Variants in IFITM2 observed in about 807,000 individuals in gnomAD.
IFITM2 encodes the protein interferon-induced transmembrane protein 2.
Under a neutral mutation model 5.9 loss-of-function variants are expected in IFITM2, and 3 were observed. The observed-to-expected ratio is 0.51, with a 90% confidence interval of 0.23 to 1.32. The LOEUF (loss-of-function observed/expected upper bound fraction) is 1.32, where lower values mean the gene tolerates loss of function less well. IFITM2 is among the 40% of genes most tolerant of loss of function. IFITM2 has a pLI of 0.18. For missense variants in IFITM2, 159 were observed against 175.9 expected (o/e 0.90, Z 0.54); for synonymous variants, 76 against 72.4 (o/e 1.05, Z -0.25).
Position 308,415 on chromosome 11 carries a change from A to G in IFITM2, c.223A>G (p.Ile75Val). 3 of 1,613,712 alleles carry G rather than the reference A, an allele frequency of 1.9e-6. No homozygotes were observed. The highest frequency in any genetic ancestry group is 1.3e-5 in the African/African-American group (1 of 75,006). ...LFMNTCCLGF[I>V]AFAYSVKSRD... The stretch of plus-strand genomic sequence containing the variant: ...CATGAACACCTGCTGCCTGGGCTTC[A>G]TAGCATTCGCGTACTCCGTGAAGGT... Residue 75 changes from isoleucine (I) to valine (V), a missense_variant, in exon 1 of 2, where the codon ATA (isoleucine) becomes GTA (valine). By Grantham distance (29) the Ile-to-Val change is conservative (BLOSUM62 3). Coordinates refer to ENST00000616316, the MANE Select transcript of IFITM2 (RefSeq NM_006435.3).
chr11:309,129 C>G lies in IFITM2; in HGVS notation c.363C>G (p.Ile121Met), dbSNP rs745914081. ...GCATCTTCATGACCATTCTGCTCAT[C>G]ATCATCCCAGTGTTGGTCGTCCAGG... ...ILGIFMTILL[I>M]IIPVLVVQAQ... is the part of the protein sequence containing the mutation. The change falls in exon 2 of 2, where the codon ATC (isoleucine) becomes ATG (methionine). Residue 121 changes from isoleucine to methionine, a missense_variant. By Grantham distance (10) the Ile-to-Met change is conservative. Coordinates refer to ENST00000616316, the MANE Select transcript of IFITM2 (RefSeq NM_006435.3). 2.5e-6 allele frequency: 4 copies of G among 1,614,106 alleles called. No homozygotes were observed. The highest frequency in any genetic ancestry group is 2.2e-5 in the South Asian group (2 of 91,090).
Position 308,158 on chromosome 11 carries a change from G to A in IFITM2, c.-35G>A, listed in dbSNP as rs1845986519. 5.6e-6 allele frequency: 9 copies of A among 1,606,166 alleles called. No individual in the cohort carries two copies. The highest frequency in any genetic ancestry group is 7.7e-6 in the Non-Finnish European group (9 of 1,173,766). ...ACTGGGGAAAGGGAGGGCTCACTGA[G>A]AACCATCCCGGTAACCCGATCACCG... On this transcript the variant is annotated 5_prime_UTR_variant, in exon 1 of 2. Transcript: ENST00000616316.
rs1459277209 is a variant in IFITM2, at chr11:308,442, C to T, written c.246+4C>T. The stretch of plus-strand genomic sequence containing the variant: ...AGCATTCGCGTACTCCGTGAAGGTG[C>T]GTATGGCCCTGGCGGAAATCCAGGG... On this transcript the variant is annotated splice_donor_region_variant and intron_variant, in intron 1 of 1. Coordinates refer to ENST00000616316, the MANE Select transcript of IFITM2 (RefSeq NM_006435.3). 1.1e-5 allele frequency: 17 copies of T among 1,612,494 alleles called. No individual in the cohort carries two copies. The highest frequency in any genetic ancestry group is 6.7e-5 in the East Asian group (3 of 44,866).
chr11:308,942 A>G, intron 1 of IFITM2, 71 bp from the exon 2 acceptor site: 6 of 1,603,612 alleles, frequency 3.7e-6, no homozygotes, highest in Non-Finnish European at 5.1e-6. Flanking sequence ...GGAGACAGTG[A>G]GGAGCTGGAG....
rs1193861960 is a variant in IFITM2 at position 309,385 on chromosome 11, A to G, written c.*220A>G. On this transcript the variant is annotated 3_prime_UTR_variant, in exon 2 of 2. Coordinates refer to ENST00000616316, the MANE Select transcript of IFITM2 (RefSeq NM_006435.3). ...TACAATGGCATTCAATAAAGTGTAT[A>G]TGTTTCTGGTGCTGCTGTGACTTCA... 3.1e-4 allele frequency: 387 copies of G among 1,255,518 alleles called. 5 individuals carry two copies. The highest frequency in any genetic ancestry group is 1.0e-3 in the South Asian group (69 of 67,132). The allele number at this position is 1,255,518 out of a possible 1,614,324, so 77.8% of individuals were successfully genotyped here. A position where few individuals can be genotyped will look rare whatever the true frequency, so the allele number is the denominator to read the frequency against.
Position 308,283 on chromosome 11 carries a change from C to T in IFITM2, c.91C>T (p.Leu31=), listed in dbSNP as rs1376561777. The T allele has an allele frequency of 6.2e-7, 1 of 1,614,110 alleles. No individual in the cohort carries two copies. ...CAAGGAGGAGCAGGAAGTGGCTATGCTGGGGGTGCCCCACAACCCTGCTCC... is the reference window on the plus strand; with the variant it reads ...CAAGGAGGAGCAGGAAGTGGCTATGTTGGGGGTGCCCCACAACCCTGCTCC... ...MLKEEQEVAM[L]GVPHNPAPPM... Residue 31 remains leucine, a synonymous_variant, in exon 1 of 2, where the codon CTG becomes TTG. Coordinates refer to ENST00000616316, the MANE Select transcript of IFITM2 (RefSeq NM_006435.3).
In IFITM2 at chr11:308,086, G is replaced by A; in HGVS notation, c.-107G>A. ...CCCTTATCTGGCCCTGGCCAGCTCT[G>A]CATTTGACAAATGCCAGGAAGAGGA... On this transcript the variant is annotated 5_prime_UTR_variant, in exon 1 of 2. Transcript: ENST00000616316. 5 of 1,466,342 alleles carry A rather than the reference G, an allele frequency of 3.4e-6. 1 individual carries two copies. The South Asian group carries it at 6.3e-5, about 19-fold the overall frequency. The allele number at this position is 1,466,342 out of a possible 1,614,324, so 90.8% of individuals were successfully genotyped here.
At chr11:308,501 A>T in intron 1 of IFITM2, 63 bp downstream of exon 1, 1 of 1,599,728 alleles carries the variant, frequency 6.3e-7, no homozygotes, top group Non-Finnish European at 8.6e-7. Context: ...ACCTGCCCAC[A>T]TGCTGCCTGG....
rs1487577590 is a variant in IFITM2, at chr11:309,211, T to G, written c.*46T>G. On this transcript the variant is annotated 3_prime_UTR_variant, in exon 2 of 2. Transcript: ENST00000616316. The stretch of plus-strand genomic sequence containing the variant: ...CCAGGAGCTCTGCCCGTGACCTGTA[T>G]CCCACGTACTCTATCTTCCATTCCT... 2.5e-6 allele frequency: 4 copies of G among 1,613,970 alleles called. No homozygotes were observed. In the South Asian group the frequency reaches 4.4e-5, roughly 18 times the overall value.
Position 308,342 on chromosome 11 carries a change from G to A in IFITM2, c.150G>A (p.Glu50=), listed in dbSNP as rs757723314. 2 of 1,613,774 alleles carry A rather than the reference G, an allele frequency of 1.2e-6. No individual in the cohort carries two copies. The highest frequency in any genetic ancestry group is 1.7e-6 in the Non-Finnish European group (2 of 1,179,808). Reference sequence around the variant, plus strand: ...CCACCGTGATCCACATCCGCAGCGAGACCTCCGTGCCTGACCATGTGGTCT... The same window carrying A: ...CCACCGTGATCCACATCCGCAGCGAAACCTCCGTGCCTGACCATGTGGTCT... The part of the protein sequence containing the change: ...PMSTVIHIRS[E]TSVPDHVVWS... Residue 50 remains glutamate (E), a synonymous_variant, in exon 1 of 2, where the codon GAG becomes GAA. Coordinates refer to ENST00000616316, the MANE Select transcript of IFITM2 (RefSeq NM_006435.3).
rs1180134731 is a variant in IFITM2, at chr11:308,143, G to T, written c.-50G>T. ...TGAGAAAACGGAACTACTGGGGAAAGGGAGGGCTCACTGAGAACCATCCCG... is the reference window on the plus strand; with the variant it reads ...TGAGAAAACGGAACTACTGGGGAAATGGAGGGCTCACTGAGAACCATCCCG... On this transcript the variant is annotated 5_prime_UTR_variant, in exon 1 of 2. The change creates a new upstream start codon in the 5' untranslated region. Transcript: ENST00000616316. 8.1e-6 allele frequency: 13 copies of T among 1,598,720 alleles called. No individual in the cohort carries two copies. The highest frequency in any genetic ancestry group is 1.1e-5 in the Non-Finnish European group (13 of 1,169,140).
At chr11:308,499 A>G (rs1420860347) in intron 1 of IFITM2, 61 bp downstream of exon 1, 29 of 1,601,008 alleles carry the variant, frequency 1.8e-5, no homozygotes, top group Non-Finnish European at 2.2e-5. Context: ...CCACCTGCCC[A>G]CATGCTGCCT....
chr11:308,119 G>A lies in IFITM2; in HGVS notation c.-74G>A. The stretch of plus-strand genomic sequence containing the variant: ...CAAATGCCAGGAAGAGGAAACTGTT[G>A]AGAAAACGGAACTACTGGGGAAAGG... On this transcript the variant is annotated 5_prime_UTR_variant, in exon 1 of 2. An upstream open reading frame in the 5' UTR loses its in-frame stop. Coordinates refer to ENST00000616316, the MANE Select transcript of IFITM2 (RefSeq NM_006435.3). 6.4e-7 allele frequency: 1 copy of A among 1,571,540 alleles called. No homozygotes were observed. The highest frequency in any genetic ancestry group is 2.3e-5 in the East Asian group (1 of 44,302).
At chr11:308,918 T>C in intron 1 of IFITM2, 95 bp from the exon 2 acceptor site, 2 of 1,582,132 alleles carry the variant, frequency 1.3e-6, no homozygotes, top group Non-Finnish European at 1.7e-6. Context: ...TGGTCCCTGA[T>C]CTCAGGGCAG....
intron 1 of IFITM2, 41 bp from the exon 2 acceptor site, chr11:308,972 G>A: frequency 6.2e-7 from 1 of 1,604,932 alleles, no homozygotes; most frequent in Non-Finnish European, 8.5e-7. Flanking sequence ...GCGGCTCTCA[G>A]CTGGGGGATC....
chr11:308,096 A>C lies in IFITM2; in HGVS notation c.-97A>C. ...GCCCTGGCCAGCTCTGCATTTGACA[A>C]ATGCCAGGAAGAGGAAACTGTTGAG... On this transcript the variant is annotated 5_prime_UTR_variant, in exon 1 of 2. Coordinates refer to ENST00000616316, the MANE Select transcript of IFITM2 (RefSeq NM_006435.3). 6.6e-7 allele frequency: 1 copy of C among 1,515,344 alleles called. No homozygotes were observed. Among genetic ancestry groups the C allele is most frequent in the Non-Finnish European group, 9.0e-7 (1 of 1,110,220 alleles). The allele number at this position is 1,515,344 out of a possible 1,614,324, so 93.9% of individuals were successfully genotyped here.
In IFITM2 at chr11:307,939, C is replaced by T. The variant is rs1307780547; in HGVS notation, c.-254C>T. 1 of 348,054 alleles carries T rather than the reference C, an allele frequency of 2.9e-6. No homozygotes were observed. Among genetic ancestry groups the T allele is most frequent in the Non-Finnish European group, 4.6e-6 (1 of 218,672 alleles). 21.6% of individuals were successfully genotyped at this position (348,054 alleles called of 1,614,324 possible). On this transcript the variant is annotated 5_prime_UTR_variant, in exon 1 of 2. Transcript: ENST00000616316. ...CCAACACAGGGGAAGTCTCCAGGACCCCACACCACTAACAAGATGAGACTT... is the reference window on the plus strand; with the variant it reads ...CCAACACAGGGGAAGTCTCCAGGACTCCACACCACTAACAAGATGAGACTT...
rs376647548 is a variant in IFITM2 at position 308,270 on chromosome 11, G to A, written c.78G>A (p.Gln26=). ...PPNYEMLKEE[Q]EVAMLGVPHN... ...ACTACGAGATGCTCAAGGAGGAGCAGGAAGTGGCTATGCTGGGGGTGCCCC... is the reference window on the plus strand; with the variant it reads ...ACTACGAGATGCTCAAGGAGGAGCAAGAAGTGGCTATGCTGGGGGTGCCCC... Residue 26 remains glutamine, a synonymous_variant, in exon 1 of 2, where the codon CAG becomes CAA. Transcript: ENST00000616316. 6.2e-7 allele frequency: 1 copy of A among 1,614,090 alleles called. No individual in the cohort carries two copies. The highest frequency in any genetic ancestry group is 1.7e-5 in the Admixed American group (1 of 60,032).
Position 309,162 on chromosome 11 carries a change from A to G in IFITM2, c.396A>G (p.Arg132=). 6.2e-7 allele frequency: 1 copy of G among 1,614,188 alleles called. No homozygotes were observed. The highest frequency in any genetic ancestry group is 1.7e-5 in the Admixed American group (1 of 60,018). Reference sequence around the variant, plus strand: ...CAGTGTTGGTCGTCCAGGCCCAGCGATAGATCAGGAGGCATCATTGAGGCC... The same window carrying G: ...CAGTGTTGGTCGTCCAGGCCCAGCGGTAGATCAGGAGGCATCATTGAGGCC... ...IIPVLVVQAQ[R] is the part of the protein sequence containing the mutation. The change falls in exon 2 of 2, where the codon CGA becomes CGG. Residue 132 remains arginine (R), a synonymous_variant. Transcript: ENST00000616316.
Sources: allele counts gnomAD v4.1 joint callset, GRCh38; gene constraint gnomAD v4.1.1; transcripts MANE v1.5; gene names NCBI Gene and HGNC (gene_info 2026-07-23, HGNC 2026-07-21).